TTN: variants seen among roughly 807,000 people sequenced by gnomAD.
The protein encoded by TTN is titin.
TTN carries 1,525 observed loss-of-function variants against 3,223.0 expected under a neutral mutation model. The ratio of observed to expected loss-of-function variants is 0.47; its 90% CI spans 0.45 to 0.49. The LOEUF is 0.49. Ranked by LOEUF, TTN falls within the 20% of genes least tolerant of loss-of-function variation. TTN has a pLI of 0.00. For missense variants in TTN, 40,786 were observed against 43,424.0 expected, an observed-to-expected ratio of 0.94 and a Z score of 5.40; for synonymous variants, 14,094 against 15,161.0, an observed-to-expected ratio of 0.93 and a Z score of 5.17.
At chr2:178,798,309 T>C (rs1390787740) in intron 6 of TTN, among the ~76,000 whole-genome samples, 2 of 152,142 alleles carry the variant, frequency 1.3e-5, no homozygotes, top group African/African-American at 4.8e-5. Context: ...ATTTTTCATT[T>C]CATCATATTA....
At position 178,531,381 on chromosome 2, in the gene TTN, A is replaced by C. The variant is rs766500032; in HGVS notation, c.105234T>G (p.Ser35078=). 2 of 1,613,954 alleles carry C rather than the reference A, an allele frequency of 1.2e-6. No individual in the cohort carries two copies. The highest frequency in any genetic ancestry group is 1.3e-5 in the African/African-American group (1 of 74,950). ...TCATCTGTGATTTCACTTCCCTGAC[A>C]GAAGACGAAGCTTCCATCTCAGATG... ...KKTSEMEASS[S]VREVKSQMTE... Residue 35078 remains serine, a synonymous_variant, in exon 358 of 363, where the codon TCT becomes TCG. Coordinates refer to ENST00000589042, the MANE Select transcript of TTN (RefSeq NM_001267550.2).
rs2154184767 is a variant in TTN, at chr2:178,591,086, A to G, written c.60639T>C (p.Asp20213=). ...CAACACCCCACGTGTCTTTCCTTGT[A>G]TCTTGTTTCTCAACAATATAATTTA... ...PVINYIVEKQ[D]TRKDTWGVVS... Residue 20213 remains aspartate, a synonymous_variant, in exon 304 of 363, where the codon GAT becomes GAC. Transcript: ENST00000589042. The G allele has an allele frequency of 6.2e-7, 1 of 1,613,294 alleles. No individual in the cohort carries two copies. The highest frequency in any genetic ancestry group is 1.7e-4 in the Middle Eastern group (1 of 6,048).
rs982955034 is a variant in TTN at position 178,714,015 on chromosome 2, G to C, written c.26643C>G (p.Phe8881Leu). ...TSDNKYKISFFNKVSGLKIIN... is the reference protein window; with the variant it reads ...TSDNKYKISFLNKVSGLKIIN... ...TGATCTTAAGGCCGGATACTTTGTT[G>C]AAGAAGCTTATTTTGTATTTGTTGT... Residue 8881 changes from phenylalanine to leucine, a missense_variant, in exon 92 of 363, where the codon TTC becomes TTG. By Grantham distance (22) the Phe-to-Leu change is conservative (BLOSUM62 0). Coordinates refer to ENST00000589042, the MANE Select transcript of TTN (RefSeq NM_001267550.2). 5.6e-6 allele frequency: 9 copies of C among 1,613,448 alleles called. No homozygotes were observed. Among genetic ancestry groups the C allele is most frequent in the Non-Finnish European group, 8.5e-7 (1 of 1,179,676 alleles).
rs1347501041 is a variant in TTN at position 178,577,235 on chromosome 2, T to G, written c.69100A>C (p.Lys23034Gln). The G allele has an allele frequency of 6.2e-7, 1 of 1,612,902 alleles. No homozygotes were observed. The highest frequency in any genetic ancestry group is 8.5e-7 in the Non-Finnish European group (1 of 1,179,522). The change falls in exon 324 of 363, where the codon AAG becomes CAG. Residue 23034 changes from lysine (K) to glutamine (Q), a missense_variant. Transcript: ENST00000589042. ...NPFGTKVEHV[K>Q]VTVLDVPGPP... is the part of the protein sequence containing the mutation. Reference sequence around the variant, plus strand: ...CCAGGTACATCAAGGACTGTTACCTTCACATGTTCCACCTTCGTGCCAAAA... The same window carrying G: ...CCAGGTACATCAAGGACTGTTACCTGCACATGTTCCACCTTCGTGCCAAAA...
chr2:178,798,377 C>T (rs1366469573), intron 6 of TTN: 1 of 152,078 alleles, frequency 6.6e-6, no homozygotes, highest in African/African-American at 2.4e-5. Flanking sequence ...GGACAATTTA[C>T]ACTTGATTAT....
Position 178,543,677 on chromosome 2 carries a change from G to A in TTN, c.96311-15C>T. ...ACCAGGAGTATCTGAAAAACAGAAT[G>A]AAAGATTCATATTTCCTATTTGCCT... On this transcript the variant is annotated splice_polypyrimidine_tract_variant and intron_variant, in intron 346 of 362. Transcript: ENST00000589042. 6.4e-7 allele frequency: 1 copy of A among 1,558,284 alleles called. No homozygotes were observed. The highest frequency in any genetic ancestry group is 1.4e-5 in the African/African-American group (1 of 73,006).
Position 178,731,732 on chromosome 2 carries a change from C to T in TTN, c.17143G>A (p.Val5715Met). 3 of 1,613,590 alleles carry T rather than the reference C, an allele frequency of 1.9e-6. No homozygotes were observed. The highest frequency in any genetic ancestry group is 1.7e-6 in the Non-Finnish European group (2 of 1,179,636). Reference protein sequence around the residue: ...GEYQCRVTNEVGSSICSARVT... With the variant: ...GEYQCRVTNEMGSSICSARVT... ...CTGGCACTGCAGATGCTGCTGCCCA[C>T]CTCATTGGTCACCCGACACTGGTAT... The change falls in exon 58 of 363, where the codon GTG becomes ATG. Residue 5715 changes from valine (V) to methionine (M), a missense_variant. Val to Met is a conservative substitution (Grantham distance 21, BLOSUM62 1). Coordinates refer to ENST00000589042, the MANE Select transcript of TTN (RefSeq NM_001267550.2).
At chr2:178,747,868 A>G in intron 47 of TTN, 1 of 1,613,014 alleles carries the variant, frequency 6.2e-7, no homozygotes. Context: ...TTATTTGTTC[A>G]CCTGGATTCT....
rs1303810426 is a variant in TTN, at chr2:178,552,826, A to C, written c.90074T>G (p.Val30025Gly). Residue 30025 changes from valine to glycine, a missense_variant, in exon 335 of 363, where the codon GTG becomes GGG. Transcript: ENST00000589042. ...AGGAGCTGGTACTTCAGCAGCCTTC[A>C]CTGGCTCTGTAGTTTCACAGGGTTC... The part of the protein sequence containing the change: ...IGEPCETTEP[V>G]KAAEVPAPIR... The C allele has an allele frequency of 6.2e-7, 1 of 1,613,740 alleles. No individual in the cohort carries two copies. Among genetic ancestry groups the C allele is most frequent in the Non-Finnish European group, 8.5e-7 (1 of 1,179,800 alleles).
rs1578047092 is a variant in TTN at position 178,723,641 on chromosome 2, A to G, written c.21459T>C (p.Asn7153=). The change falls in exon 74 of 363, where the codon AAT becomes AAC. Residue 7153 remains asparagine (N), a synonymous_variant. Transcript: ENST00000589042. The stretch of plus-strand genomic sequence containing the variant: ...CTCTAATAACGCTTGTGAAGGTTAC[A>G]TTTTTGCCTGGTAGTACTTCCAAAG... The part of the protein sequence containing the change: ...PEPLEVLPGK[N]VTFTSVIRGT... The G allele has an allele frequency of 6.2e-7, 1 of 1,610,180 alleles. No homozygotes were observed. The highest frequency in any genetic ancestry group is 1.3e-5 in the African/African-American group (1 of 74,812).
At position 178,664,496 on chromosome 2, in the gene TTN, G is replaced by A; in HGVS notation, c.36244C>T (p.His12082Tyr). Residue 12082 changes from histidine (H) to tyrosine (Y), a missense_variant, in exon 168 of 363, where the codon CAT becomes TAT. By Grantham distance (83) the His-to-Tyr change is moderately conservative (BLOSUM62 2). Coordinates refer to ENST00000589042, the MANE Select transcript of TTN (RefSeq NM_001267550.2). ...LREVVPEKKVHPPQRAEVVPV... is the reference protein window; with the variant it reads ...LREVVPEKKVYPPQRAEVVPV... Reference sequence around the variant, plus strand: ...ACAACTTCAGCCCTTTGGGGAGGATGCACTTTCTTTTCCGGGACAACTTCT... The same window carrying A: ...ACAACTTCAGCCCTTTGGGGAGGATACACTTTCTTTTCCGGGACAACTTCT... 6.2e-7 allele frequency: 1 copy of A among 1,612,260 alleles called. No homozygotes were observed. Among genetic ancestry groups the A allele is most frequent in the Non-Finnish European group, 8.5e-7 (1 of 1,179,450 alleles).
In TTN at chr2:178,613,192, T is replaced by C. The variant is rs2154200898; in HGVS notation, c.49617A>G (p.Ser16539=). 6.2e-7 allele frequency: 1 copy of C among 1,611,150 alleles called. No homozygotes were observed. Among genetic ancestry groups the C allele is most frequent in the Non-Finnish European group, 8.5e-7 (1 of 1,178,810 alleles). The change falls in exon 264 of 363, where the codon TCA becomes TCG. Residue 16539 remains serine, a synonymous_variant. Transcript: ENST00000589042. ...GATCCTTTATTAAGATTGGTTCAGT[T>C]GATTTGCTTGGTTTTCCAGGTCCAG... The part of the protein sequence containing the change: ...NLAGPGKPSK[S]TEPILIKDPI...
At chr2:178,595,981 C>A (rs1001766552) in intron 294 of TTN, among the ~76,000 whole-genome samples, 172 bp from the exon 295 acceptor site, 1 of 149,782 alleles carries the variant, frequency 6.7e-6, no homozygotes, top group Non-Finnish European at 1.5e-5. Context: ...AAACAGTCAA[C>A]CACTTTTTTT....
At chr2:178,582,243 C>G in intron 314 of TTN, 35 bp from the exon 315 acceptor site, 1 of 1,578,746 alleles carries the variant, frequency 6.3e-7, no homozygotes. Flanking sequence ...ATTTCCCAGG[C>G]TAAAAGATAA....
Position 178,562,240 on chromosome 2 carries a change from T to C in TTN, c.83892A>G (p.Ser27964=). The C allele has an allele frequency of 6.2e-7, 1 of 1,613,086 alleles. No individual in the cohort carries two copies. Among genetic ancestry groups the C allele is most frequent in the Non-Finnish European group, 8.5e-7 (1 of 1,179,544 alleles). ...TGAAAGTATGGAAAGGAAGCTCAAC[T>C]GAAGGCTTTATTTCAATATCCCTTG... ...VIARDIEIKP[S]VELPFHTFNV... is the part of the protein sequence containing the mutation. The change falls in exon 326 of 363, where the codon TCA becomes TCG. Residue 27964 remains serine, a synonymous_variant. Transcript: ENST00000589042.
intron 102 of TTN, among the ~76,000 whole-genome samples, chr2:178,705,575 T>C (rs2075732442): frequency 6.6e-6 from 1 of 152,068 alleles, no homozygotes; most frequent in African/African-American, 2.4e-5. Context: ...TAATAAAATA[T>C]AGATGTAGGA....
chr2:178,550,668 C>T (rs1321126197), intron 336 of TTN: 4 of 436,768 alleles, frequency 9.2e-6, no homozygotes, highest in Non-Finnish European at 1.6e-5. Flanking sequence ...TAAAGATGGA[C>T]ACTTATTCTC....
At chr2:178,600,085 T>TGATGA (rs2052907675) in intron 288 of TTN, among the ~76,000 whole-genome samples, 1 of 151,936 alleles carries the variant, frequency 6.6e-6, no homozygotes, top group African/African-American at 2.4e-5. Flanking sequence ...TTGCCTCACT[T>TGATGA]TATTTGGCAT....
chr2:178,561,449 C>G lies in TTN; in HGVS notation c.84683G>C (p.Arg28228Pro), dbSNP rs768301442. 6.2e-7 allele frequency: 1 copy of G among 1,613,796 alleles called. No homozygotes were observed. The highest frequency in any genetic ancestry group is 1.7e-5 in the Admixed American group (1 of 59,990). Residue 28228 changes from arginine (R) to proline (P), a missense_variant, in exon 326 of 363, where the codon CGT becomes CCT. Transcript: ENST00000589042. ...GLDEGLMYEY[R>P]VYAENIAGIG... is the part of the protein sequence containing the mutation. ...TCCAGCAATATTTTCAGCATATACA[C>G]GATACTCATACATCAGTCCTTCATC... is the stretch of plus-strand genomic sequence containing the variant.
Sources: gnomAD v4.1 joint callset for allele counts (sites outside exome capture counted in the v4.1 genomes callset) on GRCh38, gnomAD v4.1.1 for gene constraint, MANE v1.5 for transcripts, NCBI Gene and HGNC (gene_info 2026-07-23, HGNC 2026-07-21) for gene names.